LYPLAL1: variants seen among roughly 807,000 people sequenced by gnomAD.
LYPLAL1 encodes the protein lysophospholipase-like protein 1.
LYPLAL1 carries 23 observed loss-of-function variants against 19.7 expected under a neutral mutation model. The ratio of observed to expected loss-of-function variants is 1.17; its 90% confidence interval spans 0.84 to 1.65. The LOEUF (loss-of-function observed/expected upper bound fraction) is 1.65, where lower values mean the gene tolerates loss of function less well. Ranked by LOEUF, LYPLAL1 falls within the 40% of genes most tolerant of loss-of-function variation. The probability of loss-of-function intolerance (pLI) is 0.00; values close to 1 mark genes in which losing one functional copy is unlikely to be tolerated. For synonymous variants in LYPLAL1, 119 were observed against 96.3 expected, an observed-to-expected ratio of 1.24 and a Z score of -1.38; for missense variants, 355 against 279.4, an observed-to-expected ratio of 1.27 and a Z score of -1.93.
chr1:219,385,096 T>C, the LYPLAL1 span, among the ~76,000 whole-genome samples: 1 of 152,128 alleles, frequency 6.6e-6, no homozygotes, highest in Admixed American at 6.5e-5. Context: ...TGGCTGTAAA[T>C]ATGCCCTCCA....
chr1:219,419,934 A>G, the LYPLAL1 span, among the ~76,000 whole-genome samples: 3 of 152,222 alleles, frequency 2.0e-5, no homozygotes, highest in Non-Finnish European at 4.4e-5. Context: ...CTAAATCCTC[A>G]TGAGCACTAC....
chr1:219,428,208 C>T, the LYPLAL1 span, among the ~76,000 whole-genome samples: 3 of 152,190 alleles, frequency 2.0e-5, no homozygotes, highest in African/African-American at 7.2e-5. Context: ...TCCATGTGTT[C>T]CTGATCTACT....
the LYPLAL1 span, among the ~76,000 whole-genome samples, chr1:219,223,438 AAAT>A: frequency 1.3e-5 from 2 of 152,308 alleles, no homozygotes; most frequent in South Asian, 4.1e-4. Context: ...GTACTTTAGA[AAAT>A]AAGTGTGAAA....
the LYPLAL1 span, among the ~76,000 whole-genome samples, chr1:219,425,350 A>G: frequency 1.3e-5 from 2 of 152,198 alleles, no homozygotes; most frequent in Admixed American, 1.3e-4. Context: ...CAGATGAGGC[A>G]CAGGCTTAGT....
the LYPLAL1 span, among the ~76,000 whole-genome samples, chr1:219,411,085 G>A: frequency 6.6e-6 from 1 of 152,210 alleles, no homozygotes; most frequent in Non-Finnish European, 1.5e-5. Context: ...CCCCGGTGCC[G>A]GATCCACTAG....
the LYPLAL1 span, among the ~76,000 whole-genome samples, chr1:219,232,562 G>C: frequency 6.6e-6 from 1 of 152,148 alleles, no homozygotes; most frequent in African/African-American, 2.4e-5. Context: ...ACAAACTTCT[G>C]TATGTCAAAG....
At chr1:219,367,716 A>T in the LYPLAL1 span, among the ~76,000 whole-genome samples, 2,781 of 152,300 alleles carry the variant, frequency 0.018, 76 homozygotes, top group African/African-American at 0.064. Context: ...TGAGAGCCTA[A>T]TGCCATGAAA....
chr1:219,309,480 G>C, the LYPLAL1 span, among the ~76,000 whole-genome samples: 17 of 152,136 alleles, frequency 1.1e-4, no homozygotes, highest in African/African-American at 4.1e-4. Flanking sequence ...CTTTGTCTCT[G>C]TGTCCCCACC....
At chr1:219,280,539 C>T in the LYPLAL1 span, among the ~76,000 whole-genome samples, 3 of 152,072 alleles carry the variant, frequency 2.0e-5, no homozygotes, top group Non-Finnish European at 4.4e-5. Flanking sequence ...TTATTGGAAT[C>T]ACATTAACAA....
chr1:219,275,238 C>A, the LYPLAL1 span, among the ~76,000 whole-genome samples: 12 of 152,272 alleles, frequency 7.9e-5, no homozygotes, highest in Non-Finnish European at 1.8e-4. Flanking sequence ...TTTAAAATGT[C>A]CTTGGCCCCA....
the LYPLAL1 span, among the ~76,000 whole-genome samples, chr1:219,388,100 TTTATG>T: frequency 2.6e-5 from 4 of 152,176 alleles, no homozygotes. Flanking sequence ...AGTCTTTCAG[TTTATG>T]AGCTCCATAT....
At chr1:219,227,429 TTATAAG>T in the LYPLAL1 span, among the ~76,000 whole-genome samples, 1 of 152,242 alleles carries the variant, frequency 6.6e-6, no homozygotes, top group South Asian at 2.1e-4. Context: ...TTCTTCCTAC[TTATAAG>T]TATTAACACT....
chr1:219,279,126 G>A, the LYPLAL1 span, among the ~76,000 whole-genome samples: 6 of 152,130 alleles, frequency 3.9e-5, no homozygotes, highest in African/African-American at 7.2e-5. Context: ...TGAAGGGCTC[G>A]TGCGTTTTTG....
At chr1:219,425,259 C>T in the LYPLAL1 span, among the ~76,000 whole-genome samples, 2 of 152,114 alleles carry the variant, frequency 1.3e-5, no homozygotes, top group African/African-American at 2.4e-5. Context: ...AATAACATCA[C>T]CTTGGGAATG....
chr1:219,322,413 T>C, the LYPLAL1 span, among the ~76,000 whole-genome samples: 2 of 152,122 alleles, frequency 1.3e-5, no homozygotes, highest in African/African-American at 4.8e-5. Flanking sequence ...TGGAAGACAA[T>C]GAGGCGAACA....
chr1:219,267,851 C>T, the LYPLAL1 span, among the ~76,000 whole-genome samples: 9 of 152,120 alleles, frequency 5.9e-5, no homozygotes, highest in Admixed American at 2.0e-4. Context: ...GGCCTCTATA[C>T]GTATTTCTGA....
chr1:219,366,406 A>G, the LYPLAL1 span, among the ~76,000 whole-genome samples: 1 of 152,180 alleles, frequency 6.6e-6, no homozygotes, highest in Non-Finnish European at 1.5e-5. Flanking sequence ...TCACTGGGTT[A>G]TGTTTCACTA....
intron 2 of LYPLAL1, among the ~76,000 whole-genome samples, chr1:219,189,363 CTG>C (rs1475001647): frequency 6.6e-6 from 1 of 151,646 alleles, no homozygotes; most frequent in Admixed American, 6.6e-5. Flanking sequence ...TAGAACTTCA[CTG>C]TGATTTTAGT....
chr1:219,290,637 C>T, the LYPLAL1 span, among the ~76,000 whole-genome samples: 1 of 152,148 alleles, frequency 6.6e-6, no homozygotes, highest in Non-Finnish European at 1.5e-5. Flanking sequence ...CCTCCTCTTA[C>T]TTTCGGGAAT....
Sources: allele counts gnomAD v4.1 joint callset (sites outside exome capture counted in the v4.1 genomes callset), GRCh38; gene constraint gnomAD v4.1.1; transcripts MANE v1.5; gene names NCBI Gene and HGNC (gene_info 2026-07-23, HGNC 2026-07-21).